Variants in RIMS2 observed in about 807,000 individuals in gnomAD.
The protein encoded by RIMS2 is regulating synaptic membrane exocytosis 2.
Under a neutral mutation model 174.4 loss-of-function variants are expected in RIMS2, and 59 were observed. The ratio of observed to expected loss-of-function variants is 0.34; its 90% CI spans 0.27 to 0.42. The LOEUF (loss-of-function observed/expected upper bound fraction) is 0.42, where lower values mean the gene tolerates loss of function less well. Among genes scored for constraint, RIMS2 ranks in the 10% least tolerant of loss-of-function variants. The probability of loss-of-function intolerance (pLI) is 1.00; values close to 1 mark genes in which losing one functional copy is unlikely to be tolerated. For missense variants in RIMS2, 1,620 were observed against 1,666.3 expected (o/e 0.97, Z 0.48); for synonymous variants, 606 against 572.5 (o/e 1.06, Z -0.84).
At chr8:103,501,138 G>T in intron 1 of RIMS2, 76 bp downstream of exon 1, 1 of 1,205,138 alleles carries the variant, frequency 8.3e-7, no homozygotes, top group Non-Finnish European at 1.1e-6. Context: ...GGCCGCCTGC[G>T]CGCCCCAGTT....
At chr8:103,815,698 A>T (rs1490856834) in intron 3 of RIMS2, among the ~76,000 whole-genome samples, 1 of 152,220 alleles carries the variant, frequency 6.6e-6, no homozygotes, top group African/African-American at 2.4e-5. Context: ...TTGGACAAAG[A>T]AAATATAAAT....
chr8:103,825,717 T>C (rs965427787), intron 3 of RIMS2, among the ~76,000 whole-genome samples: 6 of 152,162 alleles, frequency 3.9e-5, no homozygotes, highest in Admixed American at 6.5e-5. Context: ...TTTGTGGCCA[T>C]ATATTTTTAT....
intron 2 of RIMS2, among the ~76,000 whole-genome samples, chr8:103,700,287 G>GT (rs1415121320): frequency 1.3e-5 from 2 of 151,914 alleles, no homozygotes; most frequent in Non-Finnish European, 2.9e-5. Context: ...ATATCCTCTA[G>GT]TTTAACAGGC....
At chr8:104,203,800 G>A (rs1220247316) in intron 19 of RIMS2, among the ~76,000 whole-genome samples, 1 of 152,092 alleles carries the variant, frequency 6.6e-6, no homozygotes, top group East Asian at 1.9e-4. Flanking sequence ...CACAGTGCCT[G>A]ATCTACTTTT....
At chr8:103,857,998 G>C (rs1179749243) in intron 3 of RIMS2, among the ~76,000 whole-genome samples, 1 of 152,196 alleles carries the variant, frequency 6.6e-6, no homozygotes, top group Non-Finnish European at 1.5e-5. Flanking sequence ...CAGGATTATA[G>C]TGCAGTAAGT....
At chr8:103,843,971 A>C (rs1029529689) in intron 3 of RIMS2, among the ~76,000 whole-genome samples, 1 of 152,196 alleles carries the variant, frequency 6.6e-6, no homozygotes. Flanking sequence ...CGTCTTTCCC[A>C]TGATGTTCTC....
chr8:104,249,554 C>G (rs2099352184), exon 22 of RIMS2: 2 of 1,611,620 alleles, frequency 1.2e-6, no homozygotes, highest in Non-Finnish European at 8.5e-7. Context: ...GGGCCCGTGG[C>G]CTTGTTGTAA....
intron 3 of RIMS2, among the ~76,000 whole-genome samples, chr8:103,790,717 T>C (rs1174512264): frequency 6.6e-6 from 1 of 152,232 alleles, no homozygotes. Flanking sequence ...ATATATCTTC[T>C]TTGGAGAAAT....
intron 1 of RIMS2, among the ~76,000 whole-genome samples, chr8:103,569,655 G>T (rs1483893206): frequency 6.7e-6 from 1 of 150,094 alleles, no homozygotes; most frequent in African/African-American, 2.5e-5. Flanking sequence ...TTGCTCTTTT[G>T]CTCAAGCTAG....
intron 1 of RIMS2, among the ~76,000 whole-genome samples, chr8:103,583,282 T>C (rs2093718737): frequency 6.6e-6 from 1 of 152,122 alleles, no homozygotes; most frequent in Non-Finnish European, 1.5e-5. Context: ...CATAGTCCCT[T>C]CAAATATCTG....
intron 16 of RIMS2, 21 bp downstream of exon 18, chr8:103,975,527 T>C: frequency 6.3e-7 from 1 of 1,595,058 alleles, no homozygotes; most frequent in Non-Finnish European, 8.6e-7. Flanking sequence ...CTACTTATTT[T>C]ATTTGTAGGG....
intron 1 of RIMS2, among the ~76,000 whole-genome samples, chr8:103,542,665 C>CCATCCACCATGATCAAGTGGGGTT (rs1287942329): frequency 6.6e-6 from 1 of 152,068 alleles, no homozygotes; most frequent in East Asian, 1.9e-4. Context: ...ATTAAATGGA[C>CCATCCACCATGATCAAGTGGGGTT]CATCCACCAT....
At chr8:103,606,924 C>G (rs1378282119) in intron 1 of RIMS2, among the ~76,000 whole-genome samples, 1 of 151,940 alleles carries the variant, frequency 6.6e-6, no homozygotes, top group African/African-American at 2.4e-5. Flanking sequence ...TTCCTGAATA[C>G]AGCACACTGA....
intron 4 of RIMS2, among the ~76,000 whole-genome samples, chr8:103,905,247 A>T (rs2074122788): frequency 6.6e-6 from 1 of 151,964 alleles, no homozygotes; most frequent in Non-Finnish European, 1.5e-5. Context: ...TTGTTTCAAG[A>T]ACTTCCTTTA....
chr8:103,837,442 A>G (rs577111898), intron 3 of RIMS2, among the ~76,000 whole-genome samples: 2 of 152,298 alleles, frequency 1.3e-5, no homozygotes, highest in South Asian at 4.1e-4. Flanking sequence ...TTACATATGT[A>G]TACATGTGCC....
chr8:103,886,288 A>G, intron 4 of RIMS2, 65 bp downstream of exon 7: 5 of 1,365,348 alleles, frequency 3.7e-6, no homozygotes, highest in Non-Finnish European at 4.9e-6. Flanking sequence ...AATAGATTGC[A>G]TTTCTGAGTG....
intron 3 of RIMS2, among the ~76,000 whole-genome samples, chr8:103,851,467 T>A (rs1593788958): frequency 6.6e-6 from 1 of 151,502 alleles, no homozygotes; most frequent in Admixed American, 6.6e-5. Flanking sequence ...ATGAAAAAAA[T>A]TATATTCTAT....
At chr8:103,786,091 G>C (rs1434268126) in intron 3 of RIMS2, among the ~76,000 whole-genome samples, 1 of 152,064 alleles carries the variant, frequency 6.6e-6, no homozygotes, top group Admixed American at 6.5e-5. Context: ...ATGGTAGTTT[G>C]TATTTCTGTG....
At chr8:103,783,839 C>T (rs1714971210) in intron 3 of RIMS2, among the ~76,000 whole-genome samples, 1 of 151,648 alleles carries the variant, frequency 6.6e-6, no homozygotes, top group Admixed American at 6.6e-5. Flanking sequence ...TGAGGAATCG[C>T]CACACTGACT....
Sources: gnomAD v4.1 joint callset for allele counts (sites outside exome capture counted in the v4.1 genomes callset) on GRCh38, gnomAD v4.1.1 for gene constraint, MANE v1.5 for transcripts, NCBI Gene and HGNC (gene_info 2026-07-23, HGNC 2026-07-21) for gene names.